The following ZNF44 variants were observed in gnomAD, a reference collection of about 807,000 sequenced individuals.
ZNF44 encodes the protein gonadotropin inducible transcription repressor-2.
Under a neutral mutation model 11.7 loss-of-function variants are expected in ZNF44, and 9 were observed. The observed-to-expected ratio is 0.77, with a 90% CI of 0.46 to 1.35. The LOEUF is 1.35. Ranked by LOEUF, ZNF44 falls within the 40% of genes most tolerant of loss-of-function variation. The pLI, the probability that ZNF44 is intolerant of heterozygous loss-of-function variation, is 0.00. For missense variants in ZNF44, 696 were observed against 743.1 expected (o/e 0.94, Z 0.74); for synonymous variants, 224 against 242.7 (o/e 0.92, Z 0.72).
At chr19:12,255,083 C>T (rs536097312) in intron 5 of ZNF44, among the ~76,000 whole-genome samples, 7 of 141,296 alleles carry the variant, frequency 5.0e-5, no homozygotes, top group East Asian at 2.2e-4. Context: ...AGTGAGACTC[C>T]GTCTCAAAAC....
chr19:12,291,366 C>T (rs1967999268), intron 1 of ZNF44: 1 of 394,264 alleles, frequency 2.5e-6, no homozygotes, highest in African/African-American at 2.1e-5. Flanking sequence ...AGAGTTTTCC[C>T]AAATTTTTCC....
chr19:12,275,972 C>A lies in ZNF44; in HGVS notation c.114G>T (p.Arg38Ser). 1 of 1,605,678 alleles carries A rather than the reference C, an allele frequency of 6.2e-7. No individual in the cohort carries two copies. The highest frequency in any genetic ancestry group is 1.7e-5 in the Admixed American group (1 of 59,772). ...LYRDVMRETI[R>S]NLNCIGMKWE... The stretch of plus-strand genomic sequence containing the variant: ...CATCCATACCTATACAGTTCAGGTT[C>A]CTAATGGTTTCTCGCATCACATCTC... The change falls in exon 2 of 4, where the codon AGG (arginine) becomes AGT (serine). Residue 38 changes from arginine to serine, a missense_variant. By Grantham distance (110) the Arg-to-Ser change is moderately radical. Transcript: ENST00000355684.
At chr19:12,249,894 G>T in intron 7 of ZNF44, 1 of 973,562 alleles carries the variant, frequency 1.0e-6, no homozygotes, top group Non-Finnish European at 1.4e-6. Flanking sequence ...GGCTCAGCTT[G>T]TTTTGTTTCT....
At chr19:12,253,024 A>T (rs1402502245) in intron 5 of ZNF44, among the ~76,000 whole-genome samples, 1 of 151,120 alleles carries the variant, frequency 6.6e-6, no homozygotes, top group Non-Finnish European at 1.5e-5. Flanking sequence ...AGTAGCTGGG[A>T]CTATGGGCGT....
chr19:12,231,385 A>C (rs984474959), intron 2 of ZNF44, among the ~76,000 whole-genome samples: 1 of 152,170 alleles, frequency 6.6e-6, no homozygotes, highest in African/African-American at 2.4e-5. Flanking sequence ...TCAGTTCCTA[A>C]AGAGAGAGGA....
chr19:12,240,318 G>A (rs1599490332), upstream of ZNF44, among the ~76,000 whole-genome samples: 1 of 151,804 alleles, frequency 6.6e-6, no homozygotes. Flanking sequence ...GGTGGCTCGT[G>A]CCTGTAATTC....
downstream of ZNF44, among the ~76,000 whole-genome samples, chr19:12,245,608 AGTT>A (rs1483702076): frequency 6.6e-6 from 1 of 152,166 alleles, no homozygotes; most frequent in African/African-American, 2.4e-5. Flanking sequence ...TCAGGAACAC[AGTT>A]ATTACCAGTA....
At chr19:12,276,293 A>T in intron 1 of ZNF44, 1 of 654,434 alleles carries the variant, frequency 1.5e-6, no homozygotes, top group Non-Finnish European at 2.6e-6. Context: ...GTTGAGTAGG[A>T]ACATATCTCT....
At chr19:12,294,264 C>G (rs1568462652) in intron 1 of ZNF44, among the ~76,000 whole-genome samples, 1 of 152,316 alleles carries the variant, frequency 6.6e-6, no homozygotes, top group African/African-American at 2.4e-5. Context: ...CAACCACCCC[C>G]GTCCAGACCC....
intron 1 of ZNF44, among the ~76,000 whole-genome samples, chr19:12,291,500 C>T (rs780507084): frequency 1.4e-4 from 21 of 152,142 alleles, no homozygotes; most frequent in Non-Finnish European, 2.5e-4. Context: ...TAAAAATGCT[C>T]CAGCCTGGGC....
chr19:12,271,888 T>G lies in ZNF44; in HGVS notation c.*519A>C, dbSNP rs1253142630. The stretch of plus-strand genomic sequence containing the variant: ...GAATGTGGGTAGGTACATGCGAATA[T>G]TCCATTTTATAAAAGAGCTGGCATC... On this transcript the variant is annotated 3_prime_UTR_variant, in exon 4 of 4. Transcript: ENST00000355684. 6.6e-6 allele frequency: 1 copy of G among 152,322 alleles called. No individual in the cohort carries two copies. Among genetic ancestry groups the G allele is most frequent in the East Asian group, 1.9e-4 (1 of 5,202 alleles). 9.4% of individuals were successfully genotyped at this position (152,322 alleles called of 1,614,324 possible). A position where few individuals can be genotyped will look rare whatever the true frequency, so the allele number is the denominator to read the frequency against.
chr19:12,255,434 CAAATGAAAAGGA>C (rs942751211), intron 5 of ZNF44, among the ~76,000 whole-genome samples: 1 of 152,010 alleles, frequency 6.6e-6, no homozygotes, highest in African/African-American at 2.4e-5. Flanking sequence ...ACTAATATCA[CAAATGAAAAGGA>C]AAATGAAAAT....
At chr19:12,247,334 G>A (rs184206793), downstream of ZNF44, 1,287 of 1,287,430 alleles carry the variant, frequency 1.0e-3, 2 homozygotes, top group Middle Eastern at 2.0e-3. Context: ...AAATGAAGGC[G>A]TTGCCACAAT....
intron 1 of ZNF44, chr19:12,293,117 G>T (rs1259797380): frequency 3.9e-6 from 5 of 1,284,574 alleles, no homozygotes; most frequent in Admixed American, 5.2e-5. Context: ...TGATCCGCCC[G>T]CCTCGGCTTC....
chr19:12,285,756 C>T (rs1378603655), intron 1 of ZNF44, among the ~76,000 whole-genome samples: 1 of 151,918 alleles, frequency 6.6e-6, no homozygotes, highest in Non-Finnish European at 1.5e-5. Context: ...CGGTGGCTCA[C>T]GCCTGTAATC....
At chr19:12,241,392 T>C (rs781719662), upstream of ZNF44, among the ~76,000 whole-genome samples, 4 of 152,174 alleles carry the variant, frequency 2.6e-5, no homozygotes, top group Non-Finnish European at 5.9e-5. Context: ...CCTAGGTATG[T>C]ATCTAAAAGA....
At chr19:12,280,575 A>G (rs900706726) in intron 1 of ZNF44, among the ~76,000 whole-genome samples, 5 of 152,152 alleles carry the variant, frequency 3.3e-5, no homozygotes, top group African/African-American at 7.2e-5. Context: ...ATAGAAAACA[A>G]TAATATACAT....
At chr19:12,238,331 A>C (rs1196686524), upstream of ZNF44, among the ~76,000 whole-genome samples, 4 of 152,040 alleles carry the variant, frequency 2.6e-5, no homozygotes, top group African/African-American at 9.7e-5. Context: ...TCTCTACTAA[A>C]AATACAAAAA....
intron 1 of ZNF44, among the ~76,000 whole-genome samples, chr19:12,288,183 T>C (rs768732682): frequency 2.0e-5 from 3 of 152,162 alleles, no homozygotes; most frequent in Non-Finnish European, 4.4e-5. Flanking sequence ...ACCACCCTTT[T>C]AACCAAATGT....
Sources: allele counts gnomAD v4.1 joint callset (sites outside exome capture counted in the v4.1 genomes callset), GRCh38; gene constraint gnomAD v4.1.1; transcripts MANE v1.5; gene names NCBI Gene and HGNC (gene_info 2026-07-23, HGNC 2026-07-21).